MXI1: variants seen among roughly 807,000 people sequenced by gnomAD.
MXI1 encodes the protein max-interacting protein 1.
A neutral mutation model predicts 36.9 loss-of-function variants in MXI1; 18 were observed. The ratio of observed to expected loss-of-function variants is 0.49; its 90% CI spans 0.34 to 0.72. The LOEUF (loss-of-function observed/expected upper bound fraction) is 0.72, where lower values mean the gene tolerates loss of function less well. MXI1 is among the 30% of genes least tolerant of loss of function. The probability of loss-of-function intolerance (pLI) is 0.01; values close to 1 mark genes in which losing one functional copy is unlikely to be tolerated. For missense variants in MXI1, 304 were observed against 379.1 expected, an observed-to-expected ratio of 0.80 and a Z score of 1.64; for synonymous variants, 160 against 146.7, an observed-to-expected ratio of 1.09 and a Z score of -0.65.
chr10:110,227,377 G>T lies in MXI1; in HGVS notation c.275-812G>T, dbSNP rs1008159423. On this transcript the variant is annotated intron_variant, in intron 1 of 5. Transcript: ENST00000332674. ...ATCGTGAGTGGAGGCGTGTGTGAGAGGTCGCGCAGGTGCTGGGGGAGGTGC... is the reference window on the plus strand; with the variant it reads ...ATCGTGAGTGGAGGCGTGTGTGAGATGTCGCGCAGGTGCTGGGGGAGGTGC... 3 of 987,454 alleles carry T rather than the reference G, an allele frequency of 3.0e-6. No individual in the cohort carries two copies. In the African/African-American group the frequency reaches 5.3e-5, roughly 17 times the overall value. 61.2% of individuals were successfully genotyped at this position (987,454 alleles called of 1,614,324 possible).
chr10:110,214,151 G>A (rs891968936), intron 1 of MXI1, among the ~76,000 whole-genome samples: 2 of 152,166 alleles, frequency 1.3e-5, no homozygotes, highest in African/African-American at 2.4e-5. Flanking sequence ...ATATACACAT[G>A]TACTCATTTC....
intron 3 of MXI1, among the ~76,000 whole-genome samples, chr10:110,247,994 A>G (rs1590368724): frequency 6.6e-6 from 1 of 152,192 alleles, no homozygotes; most frequent in East Asian, 1.9e-4. Context: ...GCACATATAC[A>G]CCATGGAATA....
intron 2 of MXI1, among the ~76,000 whole-genome samples, chr10:110,232,755 G>A (rs1855320939): frequency 6.6e-6 from 1 of 152,192 alleles, no homozygotes; most frequent in South Asian, 2.1e-4. Flanking sequence ...GGAAGGAAGA[G>A]TGATAAAACC....
intron 3 of MXI1, among the ~76,000 whole-genome samples, chr10:110,261,556 A>G (rs527846162): frequency 6.6e-6 from 1 of 152,148 alleles, no homozygotes; most frequent in Non-Finnish European, 1.5e-5. Flanking sequence ...ATAGAGATGA[A>G]TGATCTTTAA....
intron 3 of MXI1, among the ~76,000 whole-genome samples, chr10:110,276,497 C>T (rs1857033469): frequency 6.6e-6 from 1 of 152,172 alleles, no homozygotes; most frequent in Non-Finnish European, 1.5e-5. Flanking sequence ...TACAATCTCT[C>T]GATTTATTCA....
chr10:110,227,242 G>C (rs1358108442), intron 1 of MXI1: 1 of 735,732 alleles, frequency 1.4e-6, no homozygotes, highest in South Asian at 6.4e-5. Context: ...TGGTGCGCGG[G>C]GGGGAGGGGC....
chr10:110,243,469 AAAAGCACTCTT>A (rs1215292993), intron 2 of MXI1, among the ~76,000 whole-genome samples: 1 of 152,102 alleles, frequency 6.6e-6, no homozygotes, highest in Non-Finnish European at 1.5e-5. Flanking sequence ...TGAGACCAGC[AAAAGCACTCTT>A]AATTTTAAGG....
chr10:110,253,233 ATTGT>A (rs1460152295), intron 3 of MXI1, among the ~76,000 whole-genome samples: 3 of 151,996 alleles, frequency 2.0e-5, no homozygotes, highest in Non-Finnish European at 4.4e-5. Context: ...GTTTATTCCA[ATTGT>A]TTGGACACGA....
At chr10:110,280,294 TTTATA>T (rs1564727421) in intron 5 of MXI1, among the ~76,000 whole-genome samples, 1 of 151,212 alleles carries the variant, frequency 6.6e-6, no homozygotes, top group African/African-American at 2.4e-5. Flanking sequence ...TATTTATATA[TTTATA>T]TTATAAATTA....
intron 1 of MXI1, among the ~76,000 whole-genome samples, chr10:110,210,830 C>T (rs1854493791): frequency 6.6e-6 from 1 of 152,210 alleles, no homozygotes; most frequent in African/African-American, 2.4e-5. Flanking sequence ...AGTCGGGGGG[C>T]GGGTCGTGCG....
chr10:110,222,124 A>AGG (rs1190369717), intron 1 of MXI1, among the ~76,000 whole-genome samples: 1 of 152,106 alleles, frequency 6.6e-6, no homozygotes, highest in African/African-American at 2.4e-5. Flanking sequence ...GGGGAAGAGG[A>AGG]GGGGAGGAGG....
intron 1 of MXI1, among the ~76,000 whole-genome samples, chr10:110,224,897 C>T (rs574612852): frequency 3.3e-4 from 51 of 152,326 alleles, no homozygotes; most frequent in Admixed American, 2.1e-3. Flanking sequence ...ATCCGCCCAC[C>T]TCAGCCTCCC....
intron 3 of MXI1, chr10:110,257,891 C>G: frequency 4.0e-6 from 1 of 250,172 alleles, no homozygotes; most frequent in Admixed American, 4.4e-5. Flanking sequence ...CAAAAACCCT[C>G]TGGAAAAAAA....
chr10:110,212,113 T>C (rs1854529511), intron 1 of MXI1, among the ~76,000 whole-genome samples: 1 of 152,192 alleles, frequency 6.6e-6, no homozygotes, highest in South Asian at 2.1e-4. Flanking sequence ...GAAATGGGCT[T>C]CCTAGTGTCT....
chr10:110,280,397 G>A (rs1407394003), intron 5 of MXI1, among the ~76,000 whole-genome samples: 1 of 151,948 alleles, frequency 6.6e-6, no homozygotes, highest in Non-Finnish European at 1.5e-5. Context: ...TCACAGAAAT[G>A]ATGTTGTGCC....
intron 3 of MXI1, among the ~76,000 whole-genome samples, chr10:110,259,113 G>T (rs1052704561): frequency 3.3e-5 from 5 of 152,076 alleles, no homozygotes; most frequent in African/African-American, 1.2e-4. Context: ...GTCAGACATT[G>T]AATAATTGAC....
At chr10:110,275,296 C>G (rs1029488433) in intron 3 of MXI1, among the ~76,000 whole-genome samples, 1 of 152,066 alleles carries the variant, frequency 6.6e-6, no homozygotes, top group Non-Finnish European at 1.5e-5. Context: ...TCTTGAGCTA[C>G]CAGTCACATG....
At chr10:110,282,374 T>C (rs1857284565) in intron 5 of MXI1, among the ~76,000 whole-genome samples, 1 of 152,084 alleles carries the variant, frequency 6.6e-6, no homozygotes, top group South Asian at 2.1e-4. Context: ...TGTTTTGTTA[T>C]TTTTCTATGT....
chr10:110,243,892 T>TA (rs1056127527), intron 2 of MXI1, among the ~76,000 whole-genome samples: 5 of 152,060 alleles, frequency 3.3e-5, no homozygotes, highest in East Asian at 3.9e-4. Flanking sequence ...AGTTTGGCCT[T>TA]AGAGTCTGTG....
Sources: gnomAD v4.1 joint callset for allele counts (sites outside exome capture counted in the v4.1 genomes callset) on GRCh38, gnomAD v4.1.1 for gene constraint, MANE v1.5 for transcripts, NCBI Gene and HGNC (gene_info 2026-07-23, HGNC 2026-07-21) for gene names.